Variants in SFMBT2 observed in about 807,000 individuals in gnomAD.
SFMBT2 encodes the protein scm-like with four MBT domains protein 2.
A neutral mutation model predicts 110.1 loss-of-function variants in SFMBT2; 38 were observed. That is an observed-to-expected ratio of 0.35 (90% CI 0.27 to 0.45). The LOEUF (loss-of-function observed/expected upper bound fraction) is 0.45. Ranked by LOEUF, SFMBT2 falls within the 20% of genes least tolerant of loss-of-function variation. The pLI is 1.00. For synonymous variants in SFMBT2, 425 were observed against 425.4 expected, an observed-to-expected ratio of 1.00 and a Z score of 0.01; for missense variants, 1,011 against 1,094.9, an observed-to-expected ratio of 0.92 and a Z score of 1.08.
chr10:7,318,028 T>C (rs1843067030), intron 4 of SFMBT2, among the ~76,000 whole-genome samples: 1 of 152,148 alleles, frequency 6.6e-6, no homozygotes, highest in Non-Finnish European at 1.5e-5. Context: ...AAGGAAGAAA[T>C]GATTTTCTGA....
chr10:7,188,454 G>A (rs1011388547), intron 16 of SFMBT2, among the ~76,000 whole-genome samples, 170 bp downstream of exon 16: 2 of 152,186 alleles, frequency 1.3e-5, no homozygotes, highest in Non-Finnish European at 2.9e-5. Context: ...AGGCAACGCT[G>A]TATGGCAAAA....
At chr10:7,399,088 C>T (rs889777341) in intron 1 of SFMBT2, among the ~76,000 whole-genome samples, 2 of 152,292 alleles carry the variant, frequency 1.3e-5, no homozygotes, top group South Asian at 2.1e-4. Flanking sequence ...ATACCAATAA[C>T]GAAGAGATGA....
Position 7,239,322 on chromosome 10 carries a change from C to G in SFMBT2, c.1120+4236G>C, listed in dbSNP as rs1268405680. Among the ~76,000 whole-genome samples, 6 of 152,314 alleles carry G rather than the reference C, an allele frequency of 3.9e-5. No homozygotes were observed. In the Middle Eastern group the frequency reaches 0.01, roughly 259 times the overall value. ...TCACTTGGCAATATGTACAATAAATCCCACATATTCTACGTGTCAACCTAA... is the reference window on the plus strand; with the variant it reads ...TCACTTGGCAATATGTACAATAAATGCCACATATTCTACGTGTCAACCTAA... On this transcript the variant is annotated intron_variant, in intron 9 of 20. Transcript: ENST00000397167.
intron 16 of SFMBT2, among the ~76,000 whole-genome samples, chr10:7,184,759 G>A (rs1399052416): frequency 4.6e-5 from 7 of 152,094 alleles, no homozygotes; most frequent in Non-Finnish European, 4.4e-5. Context: ...TAGGGGTGTG[G>A]GAGCGGAGGA....
rs1350071287 is a variant in SFMBT2 at position 7,408,465 on chromosome 10, C to T, written c.-52+2396G>A. On this transcript the variant is annotated intron_variant, in intron 1 of 20. Transcript: ENST00000397167. The surrounding 1 kb of genome is among the most constrained non-coding windows in gnomAD (Gnocchi z 5.7). ...CTGCGCTAACTACAAACCTGGCCAA[C>T]ATGTCTTTGTAACCCTATCATTTAA... is the stretch of plus-strand genomic sequence containing the variant. Among the ~76,000 whole-genome samples the T allele has an allele frequency of 6.6e-6, 1 of 152,254 alleles. No individual in the cohort carries two copies. Among genetic ancestry groups the T allele is most frequent in the African/African-American group, 2.4e-5 (1 of 41,470 alleles).
chr10:7,219,207 C>T lies in SFMBT2; in HGVS notation c.1330+1204G>A, dbSNP rs11255042. On this transcript the variant is annotated intron_variant, in intron 11 of 20. Transcript: ENST00000397167. ...CTAGGTGGAGCTGTGAAAATAAAGCCATGTTCTATTCCTGTAAGCTACAGA... is the reference window on the plus strand; with the variant it reads ...CTAGGTGGAGCTGTGAAAATAAAGCTATGTTCTATTCCTGTAAGCTACAGA... Among the ~76,000 whole-genome samples, 1,111 of 152,292 alleles carry T rather than the reference C, an allele frequency of 7.3e-3. 16 individuals are homozygous for T. Among genetic ancestry groups the T allele is most frequent in the African/African-American group, 0.025 (1,055 of 41,562 alleles).
intron 6 of SFMBT2, among the ~76,000 whole-genome samples, chr10:7,280,389 G>T (rs1041604973): frequency 7.2e-6 from 1 of 139,128 alleles, no homozygotes; most frequent in Non-Finnish European, 1.5e-5. Flanking sequence ...CTAAAAAAAT[G>T]GGGGGAGGGG....
intron 4 of SFMBT2, among the ~76,000 whole-genome samples, chr10:7,361,728 C>T (rs2132037339): frequency 6.6e-6 from 1 of 152,310 alleles, no homozygotes; most frequent in Admixed American, 6.5e-5. Context: ...AGCAGCATGA[C>T]TCCTAAGGCA....
At chr10:7,315,114 G>GAAAGAAAGAAAGAA (rs1564435713) in intron 4 of SFMBT2, among the ~76,000 whole-genome samples, 19 of 116,344 alleles carry the variant, frequency 1.6e-4, no homozygotes, top group African/African-American at 2.5e-4. Context: ...GAAAGAAAAA[G>GAAAGAAAGAAAGAA]CAAGCAAGCA....
rs545568292 is a variant in SFMBT2 at position 7,385,839 on chromosome 10, A to G, written c.-51-3890T>C. ...ACGGTGAAACCCCGTCTCTACTAAA[A>G]ATACAAAAAAATTAGCCAGGCGTGG... On this transcript the variant is annotated intron_variant, in intron 1 of 20. Coordinates refer to ENST00000397167, the MANE Select transcript of SFMBT2 (RefSeq NM_001387889.1). Among the ~76,000 whole-genome samples, 774 of 152,258 alleles carry G rather than the reference A, an allele frequency of 5.1e-3. 5 individuals carry two copies. Among genetic ancestry groups the G allele is most frequent in the Non-Finnish European group, 6.2e-3 (420 of 68,016 alleles).
At chr10:7,397,906 C>A (rs1013331939) in intron 1 of SFMBT2, among the ~76,000 whole-genome samples, 6 of 152,240 alleles carry the variant, frequency 3.9e-5, no homozygotes, top group African/African-American at 1.2e-4. Context: ...AAGAGACAAG[C>A]CCTGCCTCAT....
At chr10:7,312,736 A>G (rs1283456244) in intron 4 of SFMBT2, among the ~76,000 whole-genome samples, 1 of 152,100 alleles carries the variant, frequency 6.6e-6, no homozygotes, top group Non-Finnish European at 1.5e-5. Context: ...GCGAATCACA[A>G]TGGTGTTTAC....
intron 7 of SFMBT2, among the ~76,000 whole-genome samples, chr10:7,255,055 G>C (rs935125747): frequency 2.0e-5 from 3 of 152,150 alleles, no homozygotes; most frequent in Non-Finnish European, 4.4e-5. Flanking sequence ...ATCCATATTA[G>C]TATATGAGAA....
chr10:7,196,309 C>T (rs1281978929), intron 15 of SFMBT2, among the ~76,000 whole-genome samples: 3 of 152,196 alleles, frequency 2.0e-5, no homozygotes, highest in Non-Finnish European at 2.9e-5. Context: ...CCCTTTTATG[C>T]CACGGTTTAT....
chr10:7,358,827 T>A (rs1844615154), intron 4 of SFMBT2, among the ~76,000 whole-genome samples: 1 of 151,868 alleles, frequency 6.6e-6, no homozygotes, highest in African/African-American at 2.4e-5. Context: ...ATGGTGGCCC[T>A]GCAATGGAGG....
chr10:7,283,898 C>T lies in SFMBT2; in HGVS notation c.772+6G>A. On this transcript the variant is annotated splice_donor_region_variant and intron_variant, in intron 6 of 20. Coordinates refer to ENST00000397167, the MANE Select transcript of SFMBT2 (RefSeq NM_001387889.1). ...ACTTTACAGCAGCAAAAGCTTTGGC[C>T]CTTACCTGAAGGTGGGTCCATTCTG... 6.4e-7 allele frequency: 1 copy of T among 1,567,438 alleles called. No individual in the cohort carries two copies. The highest frequency in any genetic ancestry group is 8.8e-7 in the Non-Finnish European group (1 of 1,137,530).
At chr10:7,281,860 T>G (rs1362898999) in intron 6 of SFMBT2, among the ~76,000 whole-genome samples, 1 of 152,206 alleles carries the variant, frequency 6.6e-6, no homozygotes, top group African/African-American at 2.4e-5. Flanking sequence ...TTTGTTTGTT[T>G]GTTTTCACAG....
chr10:7,223,097 T>C (rs1334188026), intron 10 of SFMBT2, among the ~76,000 whole-genome samples: 1 of 152,190 alleles, frequency 6.6e-6, no homozygotes, highest in Non-Finnish European at 1.5e-5. Flanking sequence ...TTTGAACATA[T>C]GAATTTGAGG....
chr10:7,393,010 TATATATATATATATATATATATATAA>T lies in SFMBT2; in HGVS notation c.-51-11087_-51-11062del, dbSNP rs1333092505. On this transcript the variant is annotated intron_variant, in intron 1 of 20. Transcript: ENST00000397167. ...ATATATATATATATATATATATATA[TATATATATATATATATATATATATAA>T]TTTTTTTTTTTTTGAGACAAGAGTC... Among the ~76,000 whole-genome samples, 130 of 79,100 alleles carry T rather than the reference TATATATATATATATATATATATATAA, an allele frequency of 1.6e-3. 2 individuals carry two copies. Among genetic ancestry groups the T allele is most frequent in the African/African-American group, 0.011 (119 of 10,762 alleles). The allele number at this position is 79,100 out of a possible 152,430, so 51.9% of individuals were successfully genotyped here.
Sources: allele counts gnomAD v4.1 joint callset (sites outside exome capture counted in the v4.1 genomes callset), GRCh38; gene constraint gnomAD v4.1.1; non-coding constraint Gnocchi (gnomAD v3.1); transcripts MANE v1.5; gene names NCBI Gene and HGNC (gene_info 2026-07-23, HGNC 2026-07-21).